GPC5: variants seen among roughly 807,000 people sequenced by gnomAD.
The protein encoded by GPC5 is glypican-5.
GPC5 carries 47 observed loss-of-function variants against 53.9 expected under a neutral mutation model. The observed-to-expected ratio is 0.87, with a 90% CI of 0.69 to 1.11. The LOEUF (loss-of-function observed/expected upper bound fraction) is 1.11, where lower values mean the gene tolerates loss of function less well. GPC5 is among the 50% of genes most tolerant of loss of function. GPC5 has a pLI of 0.00. For synonymous variants in GPC5, 286 were observed against 263.3 expected (o/e 1.09, Z -0.84); for missense variants, 748 against 713.1 (o/e 1.05, Z -0.56).
At chr13:91,751,013 CT>C (rs1487671491) in intron 4 of GPC5, among the ~76,000 whole-genome samples, 1 of 152,088 alleles carries the variant, frequency 6.6e-6, no homozygotes, top group Non-Finnish European at 1.5e-5. Flanking sequence ...CAATCCCCTC[CT>C]TTACCACCAT....
intron 7 of GPC5, chr13:92,447,781 C>T (rs1357047382): frequency 1.3e-5 from 2 of 152,058 alleles, no homozygotes; most frequent in African/African-American, 2.4e-5. Flanking sequence ...CCTTGCAGGG[C>T]GTGCAGAAGT....
intron 7 of GPC5, among the ~76,000 whole-genome samples, chr13:92,319,994 T>G (rs1458027549): frequency 6.6e-6 from 1 of 152,156 alleles, no homozygotes; most frequent in South Asian, 2.1e-4. Flanking sequence ...AACCTCCATA[T>G]ATTTTTCTCT....
At chr13:92,378,839 A>T (rs74732509) in intron 7 of GPC5, among the ~76,000 whole-genome samples, 1 of 152,194 alleles carries the variant, frequency 6.6e-6, no homozygotes, top group Admixed American at 6.5e-5. Flanking sequence ...TGAGAAAAAA[A>T]TGATGGATAT....
chr13:91,448,222 C>T (rs962032059), intron 1 of GPC5, among the ~76,000 whole-genome samples: 2 of 152,244 alleles, frequency 1.3e-5, no homozygotes, highest in Admixed American at 6.5e-5. Context: ...GAGCTTGGGC[C>T]CATGGGGGCC....
At chr13:91,787,638 C>T (rs2037899830) in intron 5 of GPC5, among the ~76,000 whole-genome samples, 1 of 152,046 alleles carries the variant, frequency 6.6e-6, no homozygotes, top group South Asian at 2.1e-4. Flanking sequence ...AGACAGTTTG[C>T]CTATGTATTA....
intron 7 of GPC5, among the ~76,000 whole-genome samples, chr13:92,205,307 G>C (rs573771303): frequency 1.3e-5 from 2 of 152,214 alleles, no homozygotes; most frequent in African/African-American, 4.8e-5. Context: ...CATTACATAG[G>C]CATGATTGAT....
chr13:91,719,491 C>T (rs2036418774), intron 3 of GPC5, among the ~76,000 whole-genome samples: 1 of 152,226 alleles, frequency 6.6e-6, no homozygotes, highest in South Asian at 2.1e-4. Flanking sequence ...TGCACTATCT[C>T]TGAAATCTGC....
intron 2 of GPC5, among the ~76,000 whole-genome samples, chr13:91,467,543 C>T (rs992148250): frequency 2.0e-5 from 3 of 152,042 alleles, no homozygotes; most frequent in African/African-American, 7.2e-5. Flanking sequence ...TTTCTCTTTT[C>T]TCTGCTTTCC....
intron 7 of GPC5, among the ~76,000 whole-genome samples, chr13:92,426,464 A>G (rs1353071495): frequency 6.6e-6 from 1 of 152,106 alleles, no homozygotes; most frequent in Non-Finnish European, 1.5e-5. Flanking sequence ...AATAGTCCTG[A>G]TCTTTCTTTC....
intron 7 of GPC5, among the ~76,000 whole-genome samples, chr13:92,709,196 G>A (rs926413229): frequency 1.4e-4 from 21 of 150,552 alleles, no homozygotes; most frequent in East Asian, 1.4e-3. Context: ...ATAGGTGTGC[G>A]CAACCACGCC....
intron 7 of GPC5, among the ~76,000 whole-genome samples, chr13:92,602,025 C>G (rs1241939013): frequency 6.6e-6 from 1 of 150,718 alleles, no homozygotes; most frequent in Non-Finnish European, 1.5e-5. Context: ...TATGTATATA[C>G]CCCTAGAGCA....
At chr13:92,664,722 C>T (rs1886513297) in intron 7 of GPC5, among the ~76,000 whole-genome samples, 1 of 152,114 alleles carries the variant, frequency 6.6e-6, no homozygotes, top group African/African-American at 2.4e-5. Context: ...TGCTAATGCA[C>T]TACCTGTGAG....
intron 7 of GPC5, among the ~76,000 whole-genome samples, chr13:92,235,138 G>A (rs185286748): frequency 2.0e-5 from 3 of 152,046 alleles, no homozygotes; most frequent in South Asian, 2.1e-4. Flanking sequence ...TTTTACCCTC[G>A]GCTTTATATA....
chr13:92,702,587 A>G (rs1488784579), intron 7 of GPC5, among the ~76,000 whole-genome samples: 1 of 152,082 alleles, frequency 6.6e-6, no homozygotes, highest in East Asian at 1.9e-4. Flanking sequence ...TCCAGTATCC[A>G]GTCATTTTTC....
At chr13:91,964,992 C>G (rs1394050107) in intron 6 of GPC5, among the ~76,000 whole-genome samples, 1 of 148,712 alleles carries the variant, frequency 6.7e-6, no homozygotes, top group Admixed American at 6.9e-5. Context: ...GACAGAAAAC[C>G]AAACACTGCA....
chr13:92,709,034 C>T (rs1407285175), intron 7 of GPC5, among the ~76,000 whole-genome samples: 3 of 149,152 alleles, frequency 2.0e-5, no homozygotes, highest in Non-Finnish European at 4.5e-5. Context: ...AGGCACCCAC[C>T]ACCATCTGGC....
intron 7 of GPC5, among the ~76,000 whole-genome samples, chr13:92,308,584 G>A (rs1475481725): frequency 6.6e-6 from 1 of 152,098 alleles, no homozygotes; most frequent in Non-Finnish European, 1.5e-5. Context: ...ATGCAAAATG[G>A]TACAGAGCAT....
chr13:92,417,219 A>T (rs1876350375), intron 7 of GPC5, among the ~76,000 whole-genome samples: 1 of 152,246 alleles, frequency 6.6e-6, no homozygotes, highest in Non-Finnish European at 1.5e-5. Context: ...TTTTCCAAAA[A>T]ATCATACTCA....
chr13:92,292,353 C>A lies in GPC5; in HGVS notation c.1561+147364C>A, dbSNP rs369444677. 1.3e-4 allele frequency among the ~76,000 whole-genome samples: 20 copies of A among 151,788 alleles called. No individual in the cohort carries two copies. In the East Asian group the frequency reaches 3.3e-3, roughly 25 times the overall value. Reference sequence around the variant, plus strand: ...CTCATCCATGCCACCATCTATTATTCTTTTGATTACAGCCATTGTTGCTGG... The same window carrying A: ...CTCATCCATGCCACCATCTATTATTATTTTGATTACAGCCATTGTTGCTGG... On this transcript the variant is annotated intron_variant, in intron 7 of 7. Transcript: ENST00000377067.
Sources: allele counts gnomAD v4.1 joint callset (sites outside exome capture counted in the v4.1 genomes callset), GRCh38; gene constraint gnomAD v4.1.1; transcripts MANE v1.5; gene names NCBI Gene and HGNC (gene_info 2026-07-23, HGNC 2026-07-21).